Variants in PTPRK observed in about 807,000 individuals in gnomAD.
The protein encoded by PTPRK is receptor-type tyrosine-protein phosphatase kappa.
PTPRK carries 75 observed loss-of-function variants against 178.0 expected under a neutral mutation model. The ratio of observed to expected loss-of-function variants is 0.42; its 90% confidence interval spans 0.35 to 0.51. The LOEUF (loss-of-function observed/expected upper bound fraction) is 0.51, where lower values mean the gene tolerates loss of function less well. Among genes scored for constraint, PTPRK ranks in the 20% least tolerant of loss-of-function variants. The pLI is 0.02. For missense variants in PTPRK, 1,441 were observed against 1,797.8 expected (o/e 0.80, Z 3.59); for synonymous variants, 637 against 620.6 (o/e 1.03, Z -0.39).
At chr6:128,104,473 C>T (rs918580821) in intron 7 of PTPRK, among the ~76,000 whole-genome samples, 5 of 152,212 alleles carry the variant, frequency 3.3e-5, no homozygotes, top group South Asian at 2.1e-4. Context: ...CCGCCTGCCT[C>T]GGCCTCCCAA....
chr6:128,342,313 A>C (rs987763730), intron 2 of PTPRK, among the ~76,000 whole-genome samples: 11 of 152,118 alleles, frequency 7.2e-5, no homozygotes, highest in East Asian at 1.9e-4. Flanking sequence ...CACACACACA[A>C]AAAAATTTTT....
At chr6:128,300,087 G>A (rs968157066) in intron 3 of PTPRK, among the ~76,000 whole-genome samples, 1 of 152,118 alleles carries the variant, frequency 6.6e-6, no homozygotes, top group African/African-American at 2.4e-5. Context: ...CTTCTCAAAA[G>A]AAGACATTTA....
intron 2 of PTPRK, among the ~76,000 whole-genome samples, chr6:128,341,718 T>G (rs1331304978): frequency 6.6e-6 from 1 of 152,214 alleles, no homozygotes; most frequent in African/African-American, 2.4e-5. Context: ...TAACTAATTG[T>G]ATGATTCCTT....
chr6:128,041,492 C>G (rs1004578408), intron 13 of PTPRK, among the ~76,000 whole-genome samples: 1 of 151,964 alleles, frequency 6.6e-6, no homozygotes, highest in African/African-American at 2.4e-5. Context: ...TGAGGCCAAA[C>G]TGGATTTTAA....
At chr6:128,002,258 A>G (rs1028522253) in intron 15 of PTPRK, among the ~76,000 whole-genome samples, 7 of 151,860 alleles carry the variant, frequency 4.6e-5, no homozygotes, top group African/African-American at 1.7e-4. Context: ...CAAAAATACA[A>G]GCATAAAATA....
At chr6:128,421,859 C>T (rs554702319) in intron 1 of PTPRK, among the ~76,000 whole-genome samples, 5 of 152,282 alleles carry the variant, frequency 3.3e-5, no homozygotes, top group Middle Eastern at 6.8e-3. Flanking sequence ...ATTTGGGTTT[C>T]GTTAATGTTT....
At chr6:128,182,859 T>C (rs1012046462) in intron 7 of PTPRK, among the ~76,000 whole-genome samples, 1 of 152,222 alleles carries the variant, frequency 6.6e-6, no homozygotes, top group East Asian at 1.9e-4. Flanking sequence ...TTACATTATA[T>C]TAACAATACA....
intron 3 of PTPRK, among the ~76,000 whole-genome samples, chr6:128,262,857 C>CAAAAAAAAAAAAAAAAAAAAAAAAA (rs747334195): frequency 1.3e-5 from 1 of 75,106 alleles, no homozygotes; most frequent in Non-Finnish European, 2.8e-5. Flanking sequence ...AACCAATAAC[C>CAAAAAAAAAAAAAAAAAAAAAAAAA]AAAAAAAAAA....
At chr6:128,233,677 C>T (rs1042691470) in intron 5 of PTPRK, among the ~76,000 whole-genome samples, 3 of 152,188 alleles carry the variant, frequency 2.0e-5, no homozygotes, top group African/African-American at 4.8e-5. Flanking sequence ...GGCTGACTCT[C>T]CTGTTTTGGC....
intron 7 of PTPRK, among the ~76,000 whole-genome samples, chr6:128,178,204 G>A (rs545179892): frequency 6.6e-6 from 1 of 151,854 alleles, no homozygotes; most frequent in African/African-American, 2.4e-5. Context: ...ACTGAAGTAT[G>A]TTATATTTTT....
At chr6:128,006,243 A>C (rs1261333854) in intron 14 of PTPRK, among the ~76,000 whole-genome samples, 4 of 151,138 alleles carry the variant, frequency 2.6e-5, no homozygotes, top group Non-Finnish European at 5.9e-5. Flanking sequence ...CATGCAATTA[A>C]ACAGACAGAT....
intron 7 of PTPRK, among the ~76,000 whole-genome samples, chr6:128,112,708 G>A (rs2114345835): frequency 6.6e-6 from 1 of 152,186 alleles, no homozygotes; most frequent in South Asian, 2.1e-4. Flanking sequence ...ATCTCTAGGG[G>A]AAGAGGAGTC....
At chr6:128,506,372 A>T (rs554183214) in intron 1 of PTPRK, among the ~76,000 whole-genome samples, 23 of 152,304 alleles carry the variant, frequency 1.5e-4, no homozygotes, top group African/African-American at 5.5e-4. Flanking sequence ...TCGTTCTAGA[A>T]GGTAAGCAAT....
rs1199189035 is a variant in PTPRK at position 128,343,500 on chromosome 6, C to CAA, written c.224-21192_224-21191dup. Among the ~76,000 whole-genome samples the CAA allele has an allele frequency of 2.5e-3, 170 of 68,338 alleles. 1 individual carries two copies. The highest frequency in any genetic ancestry group is 7.2e-3 in the African/African-American group (156 of 21,708). The allele number at this position is 68,338 out of a possible 152,430, so 44.8% of individuals were successfully genotyped here. A position where few individuals can be genotyped will look rare whatever the true frequency, so the allele number is the denominator to read the frequency against. On this transcript the variant is annotated intron_variant, in intron 2 of 29. Transcript: ENST00000368226. ...GGGCAACAAGAGTGAAACTCCATCT[C>CAA]AAAAAAAAAAAAAAAGAAAAGAAAA...
chr6:127,999,533 T>C (rs1039330905), intron 15 of PTPRK, among the ~76,000 whole-genome samples: 1 of 152,074 alleles, frequency 6.6e-6, no homozygotes, highest in African/African-American at 2.4e-5. Flanking sequence ...TTATTGTTTT[T>C]ATTGCAAATG....
intron 9 of PTPRK, 35 bp from the exon 10 acceptor site, chr6:128,082,673 A>T (rs1247621231): frequency 6.8e-7 from 1 of 1,464,466 alleles, no homozygotes; most frequent in South Asian, 1.3e-5. Context: ...CATATCTAGT[A>T]TCCATCATAA....
intron 8 of PTPRK, among the ~76,000 whole-genome samples, chr6:128,086,239 A>C (rs1582935506): frequency 6.6e-6 from 1 of 152,316 alleles, no homozygotes; most frequent in East Asian, 1.9e-4. Context: ...GTGGGGCAAG[A>C]TTATATTAGA....
At chr6:128,460,913 G>A (rs907697020) in intron 1 of PTPRK, among the ~76,000 whole-genome samples, 4 of 152,084 alleles carry the variant, frequency 2.6e-5, no homozygotes, top group African/African-American at 9.7e-5. Flanking sequence ...ATGTCAAAAT[G>A]AAGGACAGAT....
In PTPRK at chr6:127,995,446, C is replaced by G. The variant is rs1447483891; in HGVS notation, c.2844+16G>C. On this transcript the variant is annotated intron_variant, in intron 18 of 29. Transcript: ENST00000368226. ...AAGCCAATAAAGTAGACATACTTAACTATAAAAATACTTACATCAATATAG... is the reference window on the plus strand; with the variant it reads ...AAGCCAATAAAGTAGACATACTTAAGTATAAAAATACTTACATCAATATAG... The G allele has an allele frequency of 6.5e-7, 1 of 1,545,050 alleles. No homozygotes were observed.
Sources: allele counts gnomAD v4.1 joint callset (sites outside exome capture counted in the v4.1 genomes callset), GRCh38; gene constraint gnomAD v4.1.1; transcripts MANE v1.5; gene names NCBI Gene and HGNC (gene_info 2026-07-23, HGNC 2026-07-21).